STK33: variants seen among roughly 807,000 people sequenced by gnomAD.
STK33 encodes serine/threonine-protein kinase 33.
In STK33, 52 loss-of-function variants were observed where a neutral mutation model predicts 58.0. That is an observed-to-expected ratio of 0.90 (90% CI 0.72 to 1.13). The LOEUF is 1.13. STK33 is among the 50% of genes most tolerant of loss of function. The pLI, the probability that STK33 is intolerant of heterozygous loss-of-function variation, is 0.00. For missense variants in STK33, 630 were observed against 604.2 expected (o/e 1.04, Z -0.45); for synonymous variants, 215 against 200.1 (o/e 1.07, Z -0.63).
intron 1 of STK33, among the ~76,000 whole-genome samples, chr11:8,528,152 C>A (rs1464084781): frequency 6.6e-6 from 1 of 152,140 alleles, no homozygotes; most frequent in African/African-American, 2.4e-5. Context: ...AGGTATCAAG[C>A]CCAGAGAGTC....
chr11:8,397,782 G>A (rs973949561), intron 15 of STK33, among the ~76,000 whole-genome samples: 1 of 152,184 alleles, frequency 6.6e-6, no homozygotes, highest in Non-Finnish European at 1.5e-5. Flanking sequence ...TGATGGAGCT[G>A]AAAACCATGG....
chr11:8,376,749 C>T, the STK33 span, among the ~76,000 whole-genome samples: 1 of 152,014 alleles, frequency 6.6e-6, no homozygotes, highest in South Asian at 2.1e-4. Context: ...ACCATGTTGG[C>T]CAGGATGGTC....
rs1321175997 is a variant in STK33, at chr11:8,503,313, T to G, written c.-465-22699A>C. On this transcript the variant is annotated intron_variant, in intron 1 of 15. Coordinates refer to ENST00000687296, the MANE Select transcript of STK33 (RefSeq NM_001352389.2). Reference sequence around the variant, plus strand: ...TAAAAAAGAATAAGATCATGTCTTTTGTAGCAACATAGATGGATTGGAGGC... The same window carrying G: ...TAAAAAAGAATAAGATCATGTCTTTGGTAGCAACATAGATGGATTGGAGGC... Among the ~76,000 whole-genome samples, 6 of 152,322 alleles carry G rather than the reference T, an allele frequency of 3.9e-5. No homozygotes were observed. In the East Asian group the frequency reaches 1.2e-3, roughly 29 times the overall value.
intron 14 of STK33, among the ~76,000 whole-genome samples, chr11:8,435,127 C>G (rs373681235): frequency 6.6e-6 from 1 of 152,168 alleles, no homozygotes. Flanking sequence ...ATTTTCTACA[C>G]CCCAAGAGTT....
intron 14 of STK33, among the ~76,000 whole-genome samples, chr11:8,423,183 T>G (rs1942199738): frequency 6.8e-6 from 1 of 147,092 alleles, no homozygotes; most frequent in African/African-American, 2.6e-5. Flanking sequence ...GATTTATTTA[T>G]TTTGTTTTTT....
chr11:8,455,537 A>G (rs72852668), intron 9 of STK33, among the ~76,000 whole-genome samples: 76 of 152,310 alleles, frequency 5.0e-4, no homozygotes, highest in Non-Finnish European at 1.0e-3. Flanking sequence ...GGCCAGGCGC[A>G]GTGGCTTGCG....
intron 1 of STK33, among the ~76,000 whole-genome samples, chr11:8,549,307 T>A (rs973041870): frequency 2.0e-5 from 3 of 152,238 alleles, no homozygotes; most frequent in Admixed American, 1.3e-4. Flanking sequence ...CATCCTTGCA[T>A]CCCTGGTGTA....
chr11:8,568,928 C>A (rs1019137244), intron 1 of STK33, among the ~76,000 whole-genome samples: 6 of 152,118 alleles, frequency 3.9e-5, no homozygotes, highest in Admixed American at 3.3e-4. Context: ...AAACTATGTA[C>A]CTAGGCAAAG....
chr11:8,469,906 G>A (rs1948609909), intron 6 of STK33, among the ~76,000 whole-genome samples: 1 of 152,216 alleles, frequency 6.6e-6, no homozygotes. Flanking sequence ...TAAAATTTCA[G>A]TAAACCATGC....
downstream of STK33, among the ~76,000 whole-genome samples, chr11:8,389,790 C>T (rs1848592747): frequency 6.6e-6 from 1 of 152,100 alleles, no homozygotes; most frequent in Non-Finnish European, 1.5e-5. Flanking sequence ...CCCCACCCAA[C>T]CCCCGCAGCA....
rs765468994 is a variant in STK33, at chr11:8,474,840, T to C, written c.66A>G (p.Lys22=). The C allele has an allele frequency of 3.1e-6, 5 of 1,610,660 alleles. No homozygotes were observed. The highest frequency in any genetic ancestry group is 1.7e-6 in the Non-Finnish European group (2 of 1,178,858). ...TGCTGGAACATACACAAAGTACATCTTTCTGAGAAGCAGATGAACAGTCGG... is the reference window on the plus strand; with the variant it reads ...TGCTGGAACATACACAAAGTACATCCTTCTGAGAAGCAGATGAACAGTCGG... ...KCPDCSSASQ[K]DVLCVCSSKT... The change falls in exon 5 of 16, where the codon AAA becomes AAG. Residue 22 remains lysine (K), a synonymous_variant. Transcript: ENST00000687296.
rs117079741 is a variant in STK33, at chr11:8,489,406, C to T, written c.-465-8792G>A. 4.9e-3 allele frequency among the ~76,000 whole-genome samples: 740 copies of T among 151,984 alleles called. 2 individuals are homozygous for T. Among genetic ancestry groups the T allele is most frequent in the Middle Eastern group, 0.014 (4 of 292 alleles). On this transcript the variant is annotated intron_variant, in intron 1 of 15. Coordinates refer to ENST00000687296, the MANE Select transcript of STK33 (RefSeq NM_001352389.2). Reference sequence around the variant, plus strand: ...TTTCTGCTGCTATAACAGAATACCACAGGCTGAATAATTTCTAAAGAACAG... The same window carrying T: ...TTTCTGCTGCTATAACAGAATACCATAGGCTGAATAATTTCTAAAGAACAG...
chr11:8,453,066 C>CA (rs1399090527), intron 10 of STK33, among the ~76,000 whole-genome samples, 160 bp from the exon 11 acceptor site: 6 of 152,112 alleles, frequency 3.9e-5, no homozygotes. Flanking sequence ...TTTCCTTCCC[C>CA]ACCCACCTCT....
At chr11:8,405,317 C>T (rs1201931169) in intron 15 of STK33, among the ~76,000 whole-genome samples, 1 of 152,140 alleles carries the variant, frequency 6.6e-6, no homozygotes, top group Non-Finnish European at 1.5e-5. Context: ...ACTTAATTTC[C>T]ATTTTCCTGA....
At chr11:8,511,807 C>T (rs1952349039) in intron 1 of STK33, among the ~76,000 whole-genome samples, 1 of 152,126 alleles carries the variant, frequency 6.6e-6, no homozygotes, top group East Asian at 1.9e-4. Flanking sequence ...ACCATCCCTG[C>T]ATCCCTAGTA....
chr11:8,341,410 C>T, the STK33 span, among the ~76,000 whole-genome samples: 2 of 152,260 alleles, frequency 1.3e-5, no homozygotes, highest in Non-Finnish European at 1.5e-5. Flanking sequence ...CACCACACCA[C>T]TCTCATTGAC....
At chr11:8,584,985 C>T (rs1035340240) in intron 1 of STK33, among the ~76,000 whole-genome samples, 4 of 148,076 alleles carry the variant, frequency 2.7e-5, no homozygotes, top group Admixed American at 6.8e-5. Context: ...TGCAGTGGTG[C>T]GATCTCAGCT....
At chr11:8,584,728 A>C (rs748721955) in intron 1 of STK33, among the ~76,000 whole-genome samples, 2 of 152,164 alleles carry the variant, frequency 1.3e-5, no homozygotes, top group Non-Finnish European at 2.9e-5. Context: ...ACCAAGTGCC[A>C]GGGCAAACAG....
intron 15 of STK33, among the ~76,000 whole-genome samples, chr11:8,395,385 T>C (rs771836071): frequency 3.3e-5 from 5 of 152,214 alleles, no homozygotes; most frequent in Admixed American, 6.5e-5. Flanking sequence ...TGCTCCTCCT[T>C]TGCCTTCCAC....
Sources: allele counts gnomAD v4.1 joint callset (sites outside exome capture counted in the v4.1 genomes callset), GRCh38; gene constraint gnomAD v4.1.1; transcripts MANE v1.5; gene names NCBI Gene and HGNC (gene_info 2026-07-23, HGNC 2026-07-21).